The following PARP16 variants were observed in gnomAD, a reference collection of about 807,000 sequenced individuals.
PARP16 encodes protein mono-ADP-ribosyltransferase PARP16.
A neutral mutation model predicts 35.0 loss-of-function variants in PARP16; 31 were observed. The ratio of observed to expected loss-of-function variants is 0.88; its 90% CI spans 0.66 to 1.19. PARP16 has a LOEUF of 1.19. PARP16 is among the 50% of genes most tolerant of loss of function. PARP16 has a pLI of 0.00. For synonymous variants in PARP16, 162 were observed against 169.5 expected, an observed-to-expected ratio of 0.96 and a Z score of 0.34; for missense variants, 424 against 411.2, an observed-to-expected ratio of 1.03 and a Z score of -0.27.
chr15:65,276,113 C>A (rs990627655), intron 1 of PARP16, among the ~76,000 whole-genome samples: 1 of 152,200 alleles, frequency 6.6e-6, no homozygotes, highest in African/African-American at 2.4e-5. Context: ...GCATCCTGCC[C>A]TCCTTGCTCC....
intron 4 of PARP16, among the ~76,000 whole-genome samples, chr15:65,262,507 T>TG (rs1163217348): frequency 6.6e-6 from 1 of 151,942 alleles, no homozygotes; most frequent in Admixed American, 6.6e-5. Flanking sequence ...CACACAATGG[T>TG]GGGGGGAGAC....
intron 3 of PARP16, among the ~76,000 whole-genome samples, chr15:65,235,717 G>C (rs1215572203): frequency 1.8e-4 from 28 of 151,596 alleles, no homozygotes; most frequent in Admixed American, 1.8e-3. Context: ...GCTGAGGTGG[G>C]AGGATCGCCT....
intron 3 of PARP16, among the ~76,000 whole-genome samples, chr15:65,244,945 C>T (rs1345057901): frequency 1.3e-5 from 2 of 152,192 alleles, no homozygotes; most frequent in Non-Finnish European, 2.9e-5. Flanking sequence ...AACTGCAAAG[C>T]CAGGCCAGGA....
chr15:65,248,186 T>C, exon 3 of PARP16: 1 of 456,534 alleles, frequency 2.2e-6, no homozygotes, highest in South Asian at 1.5e-5. Context: ...GGCCACACTC[T>C]GGCTTTACTC....
chr15:65,269,980 A>G lies in PARP16; in HGVS notation c.312+955T>C, dbSNP rs185225650. On this transcript the variant is annotated intron_variant, in intron 2 of 5. Coordinates refer to ENST00000649807, the MANE Select transcript of PARP16 (RefSeq NM_001316943.2). The stretch of plus-strand genomic sequence containing the variant: ...CCACCCAGCCTGGAACTGAATACAG[A>G]TCTCCTGACTCCCACCTCCAGGGCT... Among the ~76,000 whole-genome samples the G allele has an allele frequency of 2.4e-3, 370 of 152,318 alleles. 4 individuals carry two copies. Among genetic ancestry groups the G allele is most frequent in the African/African-American group, 8.4e-3 (350 of 41,550 alleles).
chr15:65,235,240 G>C (rs977955871), intron 3 of PARP16, among the ~76,000 whole-genome samples: 2 of 151,966 alleles, frequency 1.3e-5, no homozygotes, highest in East Asian at 3.9e-4. Flanking sequence ...CTGGGAGGCG[G>C]AGCTTGCAGT....
intron 1 of PARP16, among the ~76,000 whole-genome samples, chr15:65,278,453 T>C (rs961862041): frequency 2.6e-5 from 4 of 152,140 alleles, no homozygotes; most frequent in Non-Finnish European, 5.9e-5. Context: ...GAGAGATAGC[T>C]GGGGGAATCT....
chr15:65,280,607 C>T lies in PARP16; in HGVS notation c.174+5646G>A, dbSNP rs537853904. ...ATAAAGAAACCCAAAAGAAGGACTC[C>T]TAACTGCTAGGGAGTGGAGGCACAG... On this transcript the variant is annotated intron_variant, in intron 1 of 5. Transcript: ENST00000649807. 9.9e-5 allele frequency among the ~76,000 whole-genome samples: 15 copies of T among 152,130 alleles called. No individual in the cohort carries two copies. In the South Asian group the frequency reaches 3.1e-3, roughly 32 times the overall value.
intron 2 of PARP16, among the ~76,000 whole-genome samples, chr15:65,269,063 G>C (rs76188363): frequency 6.6e-6 from 1 of 151,902 alleles, no homozygotes; most frequent in African/African-American, 2.4e-5. Context: ...GTATTATTTG[G>C]AATGGGGACT....
At position 65,286,287 on chromosome 15, in the gene PARP16, T is replaced by C. The variant is rs755181612; in HGVS notation, c.140A>G (p.Tyr47Cys). 6.3e-7 allele frequency: 1 copy of C among 1,599,878 alleles called. No homozygotes were observed. The highest frequency in any genetic ancestry group is 8.5e-7 in the Non-Finnish European group (1 of 1,174,606). ...DSVLRPFPAS[Y>C]ARGDCKDFEA... Reference sequence around the variant, plus strand: ...AAAGTCCTTACAGTCGCCGCGGGCGTAGGACGCGGGGAAGGGCCGCAGCAC... The same window carrying C: ...AAAGTCCTTACAGTCGCCGCGGGCGCAGGACGCGGGGAAGGGCCGCAGCAC... Residue 47 changes from tyrosine (Y) to cysteine (C), a missense_variant, in exon 1 of 6, where the codon TAC becomes TGC. By Grantham distance (194) the Tyr-to-Cys change is radical. Coordinates refer to ENST00000649807, the MANE Select transcript of PARP16 (RefSeq NM_001316943.2).
At chr15:65,257,141 G>C (rs977548716), downstream of PARP16, among the ~76,000 whole-genome samples, 1 of 152,200 alleles carries the variant, frequency 6.6e-6, no homozygotes, top group Non-Finnish European at 1.5e-5. Context: ...AAATGGCCGG[G>C]CATGGTGGCT....
At position 65,286,576 on chromosome 15, in the gene PARP16, CAG is replaced by C; in HGVS notation, c.-152_-151del. On this transcript the variant is annotated 5_prime_UTR_variant, in exon 1 of 6. Coordinates refer to ENST00000649807, the MANE Select transcript of PARP16 (RefSeq NM_001316943.2). ...GGAGCTAGGCAGGGGGCTGAGATGACAGGGGTGAGAACGTGCCGACAAGTGTC... is the reference window on the plus strand; with the variant it reads ...GGAGCTAGGCAGGGGGCTGAGATGACGGGTGAGAACGTGCCGACAAGTGTC... The C allele has an allele frequency of 1.8e-6, 1 of 549,842 alleles. No homozygotes were observed. The highest frequency in any genetic ancestry group is 3.4e-5 in the East Asian group (1 of 29,056). The allele number at this position is 549,842 out of a possible 1,614,324, so 34.1% of individuals were successfully genotyped here.
chr15:65,280,724 G>C (rs1027214119), intron 1 of PARP16, among the ~76,000 whole-genome samples: 4 of 152,164 alleles, frequency 2.6e-5, no homozygotes, highest in African/African-American at 9.7e-5. Context: ...TCAGGACAGA[G>C]AGGAGCTTAT....
chr15:65,275,783 C>T (rs1292330471), intron 1 of PARP16, among the ~76,000 whole-genome samples: 1 of 152,210 alleles, frequency 6.6e-6, no homozygotes, highest in Non-Finnish European at 1.5e-5. Flanking sequence ...TACAGGACTG[C>T]TGCCTGCACA....
chr15:65,267,373 C>T lies in PARP16; in HGVS notation c.313-605G>A, dbSNP rs190938850. 9.1e-3 allele frequency among the ~76,000 whole-genome samples: 1,383 copies of T among 151,962 alleles called. 20 individuals are homozygous for T. Among genetic ancestry groups the T allele is most frequent in the African/African-American group, 0.032 (1,325 of 41,464 alleles). ...CTGTAATCCCAGCACTTTGGGCGGC[C>T]GAGGCAGGCGGATCATGAGGTCAGG... On this transcript the variant is annotated intron_variant, in intron 2 of 5. Coordinates refer to ENST00000649807, the MANE Select transcript of PARP16 (RefSeq NM_001316943.2).
intron 3 of PARP16, among the ~76,000 whole-genome samples, chr15:65,240,674 C>A (rs760275076): frequency 6.6e-6 from 1 of 151,966 alleles, no homozygotes; most frequent in Non-Finnish European, 1.5e-5. Flanking sequence ...TTTGGGCTGT[C>A]CAGTTTTTAG....
chr15:65,233,309 G>A (rs2088803343), downstream of PARP16, among the ~76,000 whole-genome samples: 1 of 152,076 alleles, frequency 6.6e-6, no homozygotes, highest in Admixed American at 6.5e-5. Context: ...GGCTGAGGCA[G>A]GAGAATGGTG....
chr15:65,242,544 G>A (rs767627597), intron 3 of PARP16, among the ~76,000 whole-genome samples: 10 of 152,074 alleles, frequency 6.6e-5, no homozygotes, highest in Non-Finnish European at 1.5e-4. Context: ...TTAATTGCTT[G>A]CACATCTTTT....
chr15:65,231,604 C>T (rs1355177333), downstream of PARP16, among the ~76,000 whole-genome samples: 1 of 151,974 alleles, frequency 6.6e-6, no homozygotes, highest in Non-Finnish European at 1.5e-5. Flanking sequence ...CGCACCACCA[C>T]TCCCAGCTAA....
Sources: allele counts gnomAD v4.1 joint callset (sites outside exome capture counted in the v4.1 genomes callset), GRCh38; gene constraint gnomAD v4.1.1; transcripts MANE v1.5; gene names NCBI Gene and HGNC (gene_info 2026-07-23, HGNC 2026-07-21).